ZSCAN30: variants seen among roughly 807,000 people sequenced by gnomAD.
ZSCAN30 encodes zinc finger and SCAN domain containing 30.
ZSCAN30 carries 37 observed loss-of-function variants against 44.3 expected under a neutral mutation model. The observed-to-expected ratio is 0.84, with a 90% CI of 0.64 to 1.10. The LOEUF (loss-of-function observed/expected upper bound fraction) is 1.10, where lower values mean the gene tolerates loss of function less well. ZSCAN30 is among the 50% of genes least tolerant of loss of function. The pLI is 0.00. For synonymous variants in ZSCAN30, 181 were observed against 204.6 expected (o/e 0.88, Z 0.98); for missense variants, 549 against 582.6 (o/e 0.94, Z 0.59).
chr18:35,257,707 G>A (rs2043884379), intron 3 of ZSCAN30, among the ~76,000 whole-genome samples: 1 of 152,180 alleles, frequency 6.6e-6, no homozygotes, highest in South Asian at 2.1e-4. Flanking sequence ...GCCTCCTTCT[G>A]TGGAGAATTA....
At chr18:35,271,876 A>G (rs941402527) in intron 1 of ZSCAN30, among the ~76,000 whole-genome samples, 12 of 152,170 alleles carry the variant, frequency 7.9e-5, no homozygotes, top group Admixed American at 7.9e-4. Context: ...CCCCCTCCGC[A>G]GCTGCTGGCC....
chr18:35,287,191 G>A (rs898819167), intron 1 of ZSCAN30, among the ~76,000 whole-genome samples: 4 of 152,120 alleles, frequency 2.6e-5, no homozygotes, highest in African/African-American at 9.7e-5. Context: ...GAAAAATATT[G>A]TGTTCATGGA....
rs765637130 is a variant in ZSCAN30 at position 35,254,302 on chromosome 18, C to T, written c.633G>A (p.Ser211=). Residue 211 remains serine, a synonymous_variant, in exon 4 of 4, where the codon TCG becomes TCA. Coordinates refer to ENST00000333206, the MANE Select transcript of ZSCAN30 (RefSeq NM_001112734.4). Reference sequence around the variant, plus strand: ...GTGTTTCTCCAGGAAGTTTTCCCGGCGATATCATAGCTGCTGAGGCTACAC... The same window carrying T: ...GTGTTTCTCCAGGAAGTTTTCCCGGTGATATCATAGCTGCTGAGGCTACAC... ...VECVASAAMI[S]PGKLPGETHS... 1.1e-4 allele frequency: 173 copies of T among 1,613,956 alleles called. No individual in the cohort carries two copies. The highest frequency in any genetic ancestry group is 1.6e-4 in the Middle Eastern group (1 of 6,084).
intron 1 of ZSCAN30, chr18:35,280,743 T>A (rs1262698598): frequency 3.9e-5 from 6 of 152,258 alleles, no homozygotes; most frequent in Admixed American, 3.9e-4. Flanking sequence ...TTAAAGATCT[T>A]ATTCACAACA....
At chr18:35,285,583 A>C (rs1254452471) in intron 1 of ZSCAN30, among the ~76,000 whole-genome samples, 7 of 152,224 alleles carry the variant, frequency 4.6e-5, no homozygotes, top group Admixed American at 2.0e-4. Context: ...TTAGAAATAA[A>C]TATCAGAAAA....
chr18:35,275,939 G>C (rs1403593848), intron 1 of ZSCAN30, among the ~76,000 whole-genome samples: 1 of 152,042 alleles, frequency 6.6e-6, no homozygotes, highest in Non-Finnish European at 1.5e-5. Context: ...TGCATATTTT[G>C]TCCTTTATTC....
At chr18:35,272,533 G>T (rs2044301862) in intron 1 of ZSCAN30, among the ~76,000 whole-genome samples, 1 of 144,726 alleles carries the variant, frequency 6.9e-6, no homozygotes, top group Admixed American at 7.0e-5. Flanking sequence ...TAGACACGGG[G>T]TTTCACCATA....
intron 3 of ZSCAN30, among the ~76,000 whole-genome samples, chr18:35,255,349 T>C (rs749350892): frequency 6.6e-6 from 1 of 151,854 alleles, no homozygotes; most frequent in East Asian, 2.0e-4. Context: ...ATGGCTGATA[T>C]AACTTGAATT....
chr18:35,254,527 G>A, intron 3 of ZSCAN30, 146 bp from the exon 4 acceptor site: 1 of 1,500,676 alleles, frequency 6.7e-7, no homozygotes, highest in Non-Finnish European at 9.0e-7. Flanking sequence ...AGAATTCAGA[G>A]AAGTGGCCTG....
Position 35,254,004 on chromosome 18 carries a change from A to G in ZSCAN30, c.931T>C (p.Cys311Arg), listed in dbSNP as rs562354568. The G allele has an allele frequency of 6.2e-7, 1 of 1,614,102 alleles. No homozygotes were observed. The highest frequency in any genetic ancestry group is 1.3e-5 in the African/African-American group (1 of 75,030). Residue 311 changes from cysteine to arginine, a missense_variant, in exon 4 of 4, where the codon TGC becomes CGC. Transcript: ENST00000333206. ...YECFDCGKAF[C>R]QSSKLIRHQR... The stretch of plus-strand genomic sequence containing the variant: ...TGTCTAATCAGCTTTGAGCTCTGGC[A>G]AAAGGCCTTCCCACAGTCAAAGCAC...
intron 3 of ZSCAN30, chr18:35,256,187 A>G (rs994482350): frequency 6.6e-6 from 1 of 152,482 alleles, no homozygotes; most frequent in Admixed American, 6.5e-5. Flanking sequence ...TATTTGTTCA[A>G]CTATACATTT....
At position 35,263,533 on chromosome 18, in the gene ZSCAN30, G is replaced by A. The variant is rs775190938; in HGVS notation, c.533C>T (p.Ser178Phe). The change falls in exon 3 of 4, where the codon TCC (serine) becomes TTC (phenylalanine). Residue 178 changes from serine to phenylalanine, a missense_variant. By Grantham distance (155) the Ser-to-Phe change is radical (BLOSUM62 -2). Transcript: ENST00000333206. ...CTCACCTCTCTCCTGGAAAGCCTGG[G>A]ACTCCTGAGTCTCAGTCTTGCACTG... ...ENQCKTETQESQAFQERDGRM... is the reference protein window; with the variant it reads ...ENQCKTETQEFQAFQERDGRM... The A allele has an allele frequency of 2.5e-6, 4 of 1,614,066 alleles. No homozygotes were observed. Among genetic ancestry groups the A allele is most frequent in the Non-Finnish European group, 3.4e-6 (4 of 1,180,046 alleles).
chr18:35,272,121 C>A (rs886753119), intron 1 of ZSCAN30, among the ~76,000 whole-genome samples: 1 of 152,220 alleles, frequency 6.6e-6, no homozygotes, highest in Non-Finnish European at 1.5e-5. Context: ...CAAGAGCAGA[C>A]GCTGAGGCCA....
intron 1 of ZSCAN30, among the ~76,000 whole-genome samples, chr18:35,273,296 A>G (rs776790593): frequency 6.6e-6 from 1 of 152,226 alleles, no homozygotes; most frequent in South Asian, 2.1e-4. Context: ...ATCGTACAAT[A>G]TTTGCCTTTT....
chr18:35,266,003 TGA>T (rs2044141689), intron 1 of ZSCAN30, among the ~76,000 whole-genome samples: 1 of 152,072 alleles, frequency 6.6e-6, no homozygotes, highest in South Asian at 2.1e-4. Flanking sequence ...AAAATGGGTA[TGA>T]GAGAATGTGG....
In ZSCAN30 at chr18:35,251,303, C is replaced by G. The variant is rs187498979; in HGVS notation, c.*2147G>C. On this transcript the variant is annotated 3_prime_UTR_variant, in exon 4 of 4. Coordinates refer to ENST00000333206, the MANE Select transcript of ZSCAN30 (RefSeq NM_001112734.4). ...TCATTTTCTGTATTACCAACACTTA[C>G]AATTCACAATCAGGAGAAAAACCTA... The G allele has an allele frequency of 4.6e-5, 7 of 152,226 alleles. No homozygotes were observed. The South Asian group carries it at 1.4e-3, about 32-fold the overall frequency. The allele number at this position is 152,226 out of a possible 1,614,324, so 9.4% of individuals were successfully genotyped here.
intron 1 of ZSCAN30, among the ~76,000 whole-genome samples, chr18:35,276,281 TTTTC>T (rs979885229): frequency 6.6e-6 from 1 of 151,996 alleles, no homozygotes; most frequent in African/African-American, 2.4e-5. Context: ...GGGCCTGGGC[TTTTC>T]TTTGTGTGCC....
At chr18:35,257,679 T>G (rs1035223996) in intron 3 of ZSCAN30, among the ~76,000 whole-genome samples, 2 of 152,082 alleles carry the variant, frequency 1.3e-5, no homozygotes, top group African/African-American at 4.8e-5. Context: ...TTAAGACAGC[T>G]CCTAACTATA....
At chr18:35,255,114 A>G (rs2043754827) in intron 3 of ZSCAN30, 1 of 151,706 alleles carries the variant, frequency 6.6e-6, no homozygotes, top group African/African-American at 2.4e-5. Context: ...AAAGAAGGGG[A>G]TGGAGACAAC....
Sources: allele counts gnomAD v4.1 joint callset (sites outside exome capture counted in the v4.1 genomes callset), GRCh38; gene constraint gnomAD v4.1.1; transcripts MANE v1.5; gene names NCBI Gene and HGNC (gene_info 2026-07-23, HGNC 2026-07-21).